The following PCDHA4 variants were observed in gnomAD, a reference collection of about 807,000 sequenced individuals.
PCDHA4 encodes protocadherin alpha-4.
PCDHA4 carries 49 observed loss-of-function variants against 61.4 expected under a neutral mutation model. That is an observed-to-expected ratio of 0.80 (90% confidence interval 0.63 to 1.01). The LOEUF (loss-of-function observed/expected upper bound fraction) is 1.01, where lower values mean the gene tolerates loss of function less well. Ranked by LOEUF, PCDHA4 falls within the 50% of genes least tolerant of loss-of-function variation. PCDHA4 has a pLI of 0.00. For synonymous variants in PCDHA4, 590 were observed against 550.3 expected (o/e 1.07, Z -1.01); for missense variants, 1,254 against 1,235.8 (o/e 1.01, Z -0.22).
chr5:140,867,344 C>G (rs2049899948), intron 1 of PCDHA4: 1 of 152,034 alleles, frequency 6.6e-6, no homozygotes, highest in South Asian at 2.1e-4. Flanking sequence ...TTAGAGGCTA[C>G]TATGATTGAT....
At chr5:140,879,234 G>A (rs1483424901) in intron 1 of PCDHA4, among the ~76,000 whole-genome samples, 1 of 152,180 alleles carries the variant, frequency 6.6e-6, no homozygotes, top group Non-Finnish European at 1.5e-5. Flanking sequence ...ACATATACAA[G>A]AGGCACTGGC....
At chr5:140,991,180 C>T (rs2097436577) in intron 3 of PCDHA4, among the ~76,000 whole-genome samples, 1 of 152,160 alleles carries the variant, frequency 6.6e-6, no homozygotes. Context: ...AAGCAGGATG[C>T]CTAGCACACA....
At chr5:140,880,095 A>G (rs2058235665) in intron 1 of PCDHA4, among the ~76,000 whole-genome samples, 1 of 152,246 alleles carries the variant, frequency 6.6e-6, no homozygotes, top group South Asian at 2.1e-4. Flanking sequence ...AGTAGGCTTA[A>G]AATCATAGAA....
chr5:140,916,871 T>C (rs1321229691), intron 1 of PCDHA4, among the ~76,000 whole-genome samples: 1 of 152,162 alleles, frequency 6.6e-6, no homozygotes, highest in African/African-American at 2.4e-5. Context: ...ACCTAGGAAT[T>C]GCAATCCTTG....
At chr5:140,815,167 A>T (rs1407825573) in intron 1 of PCDHA4, 1 of 151,854 alleles carries the variant, frequency 6.6e-6, no homozygotes, top group Non-Finnish European at 1.5e-5. Context: ...TGATTGGGGG[A>T]GTTTATCCCA....
chr5:141,009,717 A>C lies in PCDHA4; in HGVS notation c.2624A>C (p.Gln875Pro). Residue 875 changes from glutamine to proline, a missense_variant, in exon 4 of 4, where the codon CAA becomes CCA. Coordinates refer to ENST00000530339, the MANE Select transcript of PCDHA4 (RefSeq NM_018907.4). ...AAATACGGACCAGGCAACCCCAAAC[A>C]ATCCGGTCCCGGTGAGTTGCCCGAC... ...TFKYGPGNPK[Q>P]SGPGELPDKF... is the part of the protein sequence containing the mutation. 4 of 1,614,058 alleles carry C rather than the reference A, an allele frequency of 2.5e-6. No homozygotes were observed. The highest frequency in any genetic ancestry group is 3.4e-6 in the Non-Finnish European group (4 of 1,180,004).
At chr5:140,873,334 C>A (rs1182965928) in intron 1 of PCDHA4, among the ~76,000 whole-genome samples, 1 of 152,156 alleles carries the variant, frequency 6.6e-6, no homozygotes, top group African/African-American at 2.4e-5. Context: ...GCATACATTA[C>A]TCATCTCCAG....
Position 140,808,724 on chromosome 5 carries a change from G to A in PCDHA4, c.1537G>A (p.Glu513Lys), listed in dbSNP as rs114390057. ...ALSSYVSVHA[E>K]SGKVYALQPL... is the part of the protein sequence containing the mutation. ...GTCGAGCTACGTTTCGGTGCATGCG[G>A]AGAGCGGCAAGGTGTACGCGCTGCA... The change falls in exon 1 of 4, where the codon GAG becomes AAG. Residue 513 changes from glutamate (E) to lysine (K), a missense_variant. Glu to Lys is a moderately conservative substitution (Grantham distance 56, BLOSUM62 1). Coordinates refer to ENST00000530339, the MANE Select transcript of PCDHA4 (RefSeq NM_018907.4). The A allele has an allele frequency of 2.3e-4, 363 of 1,612,218 alleles. 1 individual carries two copies. The African/African-American group carries it at 3.9e-3, about 17-fold the overall frequency.
At chr5:140,892,707 G>A (rs958500270) in intron 1 of PCDHA4, among the ~76,000 whole-genome samples, 1 of 152,136 alleles carries the variant, frequency 6.6e-6, no homozygotes, top group African/African-American at 2.4e-5. Flanking sequence ...AGGGTAATTA[G>A]CATATTCATA....
chr5:141,000,639 G>T (rs1375900945), intron 3 of PCDHA4, among the ~76,000 whole-genome samples: 1 of 151,186 alleles, frequency 6.6e-6, no homozygotes, highest in Non-Finnish European at 1.5e-5. Context: ...TGTTGGGCAG[G>T]CTGGTCTCGA....
intron 1 of PCDHA4, chr5:140,822,611 T>C: frequency 6.2e-7 from 1 of 1,611,604 alleles, no homozygotes; most frequent in Non-Finnish European, 8.5e-7. Flanking sequence ...ATAGTGTATT[T>C]CTTTAGTAAT....
intron 3 of PCDHA4, among the ~76,000 whole-genome samples, chr5:141,007,658 A>G (rs2098338890): frequency 6.6e-6 from 1 of 152,098 alleles, no homozygotes; most frequent in Non-Finnish European, 1.5e-5. Context: ...AAAAACCATA[A>G]ATTTACAAAG....
chr5:140,843,246 C>G (rs1554139882), intron 1 of PCDHA4: 9 of 1,595,918 alleles, frequency 5.6e-6, no homozygotes, highest in Middle Eastern at 1.7e-4. Flanking sequence ...GAAGCGGACT[C>G]TCCGCGCCAC....
chr5:140,966,651 C>A, intron 1 of PCDHA4: 1 of 1,159,980 alleles, frequency 8.6e-7, no homozygotes, highest in Non-Finnish European at 1.1e-6. Flanking sequence ...AGAGCGTGAG[C>A]GGTGGGGGAG....
intron 3 of PCDHA4, among the ~76,000 whole-genome samples, chr5:140,999,527 C>G (rs578180518): frequency 6.6e-6 from 1 of 152,088 alleles, no homozygotes; most frequent in Non-Finnish European, 1.5e-5. Context: ...TTGTTACCCC[C>G]TGGATATGAC....
In PCDHA4 at chr5:140,843,230, C is replaced by A. The variant is rs1225755586; in HGVS notation, c.2385+33658C>A. On this transcript the variant is annotated intron_variant, in intron 1 of 3. Transcript: ENST00000530339. ...GGGCGAGATCAGCACCACTCGTGTC[C>A]TGGACGAAGCGGACTCTCCGCGCCA... 4 of 1,596,146 alleles carry A rather than the reference C, an allele frequency of 2.5e-6. 1 individual carries two copies. In the African/African-American group the frequency reaches 5.4e-5, roughly 21 times the overall value.
At chr5:140,919,658 T>G (rs1271844986) in intron 1 of PCDHA4, among the ~76,000 whole-genome samples, 1 of 152,230 alleles carries the variant, frequency 6.6e-6, no homozygotes, top group South Asian at 2.1e-4. Context: ...GTTTACCATA[T>G]ATATTTTAGC....
chr5:140,928,177 A>G lies in PCDHA4; in HGVS notation c.2386-50772A>G, dbSNP rs781987562. Reference sequence around the variant, plus strand: ...TGGCTCACCCCCACTTAGCACCCGAAGGACAATCACTGTGTCAGTTGCTGA... The same window carrying G: ...TGGCTCACCCCCACTTAGCACCCGAGGGACAATCACTGTGTCAGTTGCTGA... On this transcript the variant is annotated intron_variant, in intron 1 of 3. Transcript: ENST00000530339. 8.7e-6 allele frequency: 14 copies of G among 1,614,218 alleles called. No homozygotes were observed. The East Asian group carries it at 2.7e-4, about 31-fold the overall frequency.
At position 140,883,814 on chromosome 5, in the gene PCDHA4, A is replaced by C. The variant is rs782678422; in HGVS notation, c.2385+74242A>C. 6.2e-7 allele frequency: 1 copy of C among 1,612,478 alleles called. No homozygotes were observed. ...CGTGTCGGTGCACGCGGAGAGCGGC[A>C]AGGTGTACGCGCTGCAGCCGTTGGA... On this transcript the variant is annotated intron_variant, in intron 1 of 3. Coordinates refer to ENST00000530339, the MANE Select transcript of PCDHA4 (RefSeq NM_018907.4).
Sources: allele counts gnomAD v4.1 joint callset (sites outside exome capture counted in the v4.1 genomes callset), GRCh38; gene constraint gnomAD v4.1.1; transcripts MANE v1.5; gene names NCBI Gene and HGNC (gene_info 2026-07-23, HGNC 2026-07-21).